The following PLIN3 variants were observed in gnomAD, a reference collection of about 807,000 sequenced individuals.
PLIN3 encodes perilipin-3.
A neutral mutation model predicts 35.9 loss-of-function variants in PLIN3; 30 were observed. The observed-to-expected ratio is 0.84, with a 90% confidence interval of 0.62 to 1.13. The LOEUF (loss-of-function observed/expected upper bound fraction) is 1.13. Ranked by LOEUF, PLIN3 falls within the 50% of genes most tolerant of loss-of-function variation. The pLI is 0.00. For synonymous variants in PLIN3, 261 were observed against 262.5 expected, an observed-to-expected ratio of 0.99 and a Z score of 0.06; for missense variants, 603 against 596.9, an observed-to-expected ratio of 1.01 and a Z score of -0.11.
intron 1 of PLIN3, among the ~76,000 whole-genome samples, chr19:4,863,686 G>C (rs186012097): frequency 6.6e-6 from 1 of 151,498 alleles, no homozygotes; most frequent in Non-Finnish European, 1.5e-5. Context: ...AGGCGTGGTG[G>C]TGCACGCCTC....
chr19:4,853,438 G>C (rs984977923), intron 4 of PLIN3, among the ~76,000 whole-genome samples: 1 of 151,840 alleles, frequency 6.6e-6, no homozygotes, highest in African/African-American at 2.4e-5. Flanking sequence ...TGATTCTCCT[G>C]CCTCAGCCTC....
At position 4,847,313 on chromosome 19, in the gene PLIN3, C is replaced by T. The variant is rs559747463; in HGVS notation, c.834+378G>A. 2.0e-5 allele frequency among the ~76,000 whole-genome samples: 3 copies of T among 152,152 alleles called. No homozygotes were observed. The South Asian group carries it at 6.2e-4, about 32-fold the overall frequency. On this transcript the variant is annotated intron_variant, in intron 6 of 7. Transcript: ENST00000221957. ...CAAGCAATCGTCCCACCTCAGCCTC[C>T]CAAGTAGCTGAGATTACAGGCACGC...
chr19:4,846,728 T>C (rs563765625), intron 6 of PLIN3, among the ~76,000 whole-genome samples: 1 of 151,778 alleles, frequency 6.6e-6, no homozygotes, highest in African/African-American at 2.4e-5. Flanking sequence ...GACACAGACA[T>C]ACACAGAGGG....
intron 4 of PLIN3, among the ~76,000 whole-genome samples, chr19:4,852,818 T>C (rs2030347112): frequency 1.3e-5 from 2 of 151,994 alleles, no homozygotes; most frequent in South Asian, 4.2e-4. Context: ...TTGTTTTTTG[T>C]TGTTGCTGTT....
chr19:4,863,434 T>A (rs1267266930), intron 1 of PLIN3, among the ~76,000 whole-genome samples: 1 of 147,150 alleles, frequency 6.8e-6, no homozygotes, highest in Non-Finnish European at 1.5e-5. Flanking sequence ...GAAGCGGAAG[T>A]TGCAGTGAGC....
rs369436682 is a variant in PLIN3, at chr19:4,839,443, G to A, written c.1054C>T (p.Pro352Ser). 16 of 1,597,144 alleles carry A rather than the reference G, an allele frequency of 1.0e-5. No individual in the cohort carries two copies. The East Asian group carries it at 1.6e-4, about 16-fold the overall frequency. The change falls in exon 8 of 8, where the codon CCC (proline) becomes TCC (serine). Residue 352 changes from proline to serine, a missense_variant. Physicochemically the swap from Pro to Ser is moderately conservative, Grantham distance 74. Transcript: ENST00000221957. ...TSLGSSIQGLPTNVKDQVQQA... is the reference protein window; with the variant it reads ...TSLGSSIQGLSTNVKDQVQQA... ...TGCACCTGGTCCTTCACATTGGTGG[G>A]GAGGCCCTGAATGCTGGACCCCAGG...
At chr19:4,841,595 T>C (rs2029892550) in intron 7 of PLIN3, among the ~76,000 whole-genome samples, 1 of 125,932 alleles carries the variant, frequency 7.9e-6, no homozygotes, top group Non-Finnish European at 1.7e-5. Flanking sequence ...GAGATCTCAA[T>C]AAAACTGTTA....
chr19:4,858,662 A>G (rs189717411), intron 4 of PLIN3, among the ~76,000 whole-genome samples: 80 of 148,542 alleles, frequency 5.4e-4, no homozygotes, highest in African/African-American at 1.5e-3. Context: ...GATTACAGGC[A>G]TGAGCCACCG....
intron 1 of PLIN3, among the ~76,000 whole-genome samples, chr19:4,864,119 G>A (rs1395904982): frequency 2.3e-4 from 21 of 93,270 alleles, no homozygotes; most frequent in East Asian, 5.9e-4. Context: ...GTGTGTGTGT[G>A]TGTGTGTGTG....
Position 4,838,871 on chromosome 19 carries a change from G to A in PLIN3, c.*321C>T, listed in dbSNP as rs569429466. 1.2e-3 allele frequency: 215 copies of A among 185,320 alleles called. No homozygotes were observed. Among genetic ancestry groups the A allele is most frequent in the Middle Eastern group, 4.4e-3 (2 of 456 alleles). The allele number at this position is 185,320 out of a possible 1,614,324, so 11.5% of individuals were successfully genotyped here. A position where few individuals can be genotyped will look rare whatever the true frequency, so the allele number is the denominator to read the frequency against. ...GCTGGGATTACAGGTGTGAGCCACC[G>A]CACCCGGCCTATATTCCTGATATTT... On this transcript the variant is annotated 3_prime_UTR_variant, in exon 8 of 8. Transcript: ENST00000221957.
chr19:4,866,467 G>A (rs1263352192), intron 1 of PLIN3, among the ~76,000 whole-genome samples: 1 of 152,160 alleles, frequency 6.6e-6, no homozygotes, highest in African/African-American at 2.4e-5. Context: ...AGGAGACGCT[G>A]CTCCGGGGAA....
In PLIN3 at chr19:4,838,919, G is replaced by C. The variant is rs1363959025; in HGVS notation, c.*273C>G. Reference sequence around the variant, plus strand: ...TTTAACAAGGAAAAAAAATTCTGCAGGGGAGAACTTTCCTGAAAGATATTT... The same window carrying C: ...TTTAACAAGGAAAAAAAATTCTGCACGGGAGAACTTTCCTGAAAGATATTT... On this transcript the variant is annotated 3_prime_UTR_variant, in exon 8 of 8. Coordinates refer to ENST00000221957, the MANE Select transcript of PLIN3 (RefSeq NM_005817.5). 1 of 311,942 alleles carries C rather than the reference G, an allele frequency of 3.2e-6. No homozygotes were observed. The highest frequency in any genetic ancestry group is 5.9e-6 in the Non-Finnish European group (1 of 170,498). The allele number at this position is 311,942 out of a possible 1,614,324, so 19.3% of individuals were successfully genotyped here.
At chr19:4,851,571 C>G (rs1248153903) in intron 5 of PLIN3, among the ~76,000 whole-genome samples, 1 of 151,994 alleles carries the variant, frequency 6.6e-6, no homozygotes, top group Non-Finnish European at 1.5e-5. Flanking sequence ...GGCGGGAACA[C>G]CAGCATTGTT....
intron 2 of PLIN3, among the ~76,000 whole-genome samples, chr19:4,860,350 G>A (rs979009670): frequency 2.0e-5 from 3 of 151,920 alleles, no homozygotes; most frequent in African/African-American, 4.8e-5. Context: ...GGGATTACGG[G>A]TGCCACCACG....
intron 7 of PLIN3, among the ~76,000 whole-genome samples, chr19:4,840,512 C>T (rs939025452): frequency 6.6e-6 from 1 of 152,096 alleles, no homozygotes; most frequent in Admixed American, 6.6e-5. Context: ...TTCAGCCTCC[C>T]AAAATGCTGG....
chr19:4,844,800 C>G lies in PLIN3; in HGVS notation c.835-7G>C. Reference sequence around the variant, plus strand: ...CTTGCTTGACAGTTTCCATCTGGGGCAGGGGAGAGAGAAGTGAGGGAAGGA... The same window carrying G: ...CTTGCTTGACAGTTTCCATCTGGGGGAGGGGAGAGAGAAGTGAGGGAAGGA... On this transcript the variant is annotated splice_region_variant and splice_polypyrimidine_tract_variant and intron_variant, in intron 6 of 7. Transcript: ENST00000221957. 1 of 1,589,856 alleles carries G rather than the reference C, an allele frequency of 6.3e-7. No individual in the cohort carries two copies. The highest frequency in any genetic ancestry group is 8.6e-7 in the Non-Finnish European group (1 of 1,168,724).
rs139680868 is a variant in PLIN3 at position 4,850,071 on chromosome 19, G to A, written c.634+1945C>T. Among the ~76,000 whole-genome samples, 190 of 150,710 alleles carry A rather than the reference G, an allele frequency of 1.3e-3. 2 individuals are homozygous for A. Among genetic ancestry groups the A allele is most frequent in the African/African-American group, 4.5e-3 (183 of 40,978 alleles). On this transcript the variant is annotated intron_variant, in intron 5 of 7. Coordinates refer to ENST00000221957, the MANE Select transcript of PLIN3 (RefSeq NM_005817.5). ...AGCCATTCTCTTGCCTCAGCCTCCCGAGTTAGCTGGGATTACAGGGATGCG... is the reference window on the plus strand; with the variant it reads ...AGCCATTCTCTTGCCTCAGCCTCCCAAGTTAGCTGGGATTACAGGGATGCG...
At chr19:4,847,501 G>A (rs971023949) in intron 6 of PLIN3, among the ~76,000 whole-genome samples, 190 bp downstream of exon 6, 2 of 151,994 alleles carry the variant, frequency 1.3e-5, no homozygotes, top group East Asian at 1.9e-4. Flanking sequence ...CACTGTGCCC[G>A]GCCCCAGACA....
intron 6 of PLIN3, among the ~76,000 whole-genome samples, chr19:4,845,524 C>T (rs1208851556): frequency 7.2e-5 from 11 of 152,156 alleles, no homozygotes; most frequent in Non-Finnish European, 8.8e-5. Flanking sequence ...AATCCCAGCG[C>T]TTTGGGAGGC....
Sources: gnomAD v4.1 joint callset for allele counts (sites outside exome capture counted in the v4.1 genomes callset) on GRCh38, gnomAD v4.1.1 for gene constraint, MANE v1.5 for transcripts, NCBI Gene and HGNC (gene_info 2026-07-23, HGNC 2026-07-21) for gene names.